The following COL6A6 variants were observed in gnomAD, a reference collection of about 807,000 sequenced individuals.
COL6A6 encodes collagen type VI alpha 6 chain.
In COL6A6, 183 loss-of-function variants were observed where a neutral mutation model predicts 208.6. That is an observed-to-expected ratio of 0.88 (90% CI 0.78 to 0.99). COL6A6 has a LOEUF of 0.99. Ranked by LOEUF, COL6A6 falls within the 50% of genes least tolerant of loss-of-function variation. COL6A6 has a pLI of 0.00. For synonymous variants in COL6A6, 973 were observed against 1,011.8 expected, an observed-to-expected ratio of 0.96 and a Z score of 0.73; for missense variants, 2,816 against 2,815.2, an observed-to-expected ratio of 1.00 and a Z score of -0.01.
chr3:130,589,234 G>T, intron 12 of COL6A6, 52 bp downstream of exon 12: 1 of 1,320,234 alleles, frequency 7.6e-7, no homozygotes, highest in South Asian at 1.2e-5. Context: ...ATGTCCTTCA[G>T]ACATGGGTTT....
chr3:130,623,294 C>T (rs914915160), intron 24 of COL6A6, among the ~76,000 whole-genome samples: 3 of 152,062 alleles, frequency 2.0e-5, no homozygotes, highest in Admixed American at 6.5e-5. Flanking sequence ...CCTGTCTCTA[C>T]TAAAAATACA....
chr3:130,654,301 T>C (rs1258720404), intron 33 of COL6A6, among the ~76,000 whole-genome samples: 5 of 152,170 alleles, frequency 3.3e-5, no homozygotes, highest in African/African-American at 1.2e-4. Context: ...TCCATGATTT[T>C]TTTTTCCCCC....
chr3:130,587,591 AG>A (rs2063572586), intron 11 of COL6A6, among the ~76,000 whole-genome samples: 1 of 152,248 alleles, frequency 6.6e-6, no homozygotes, highest in Non-Finnish European at 1.5e-5. Flanking sequence ...CAAGTGGTAA[AG>A]TGTCAGCAAG....
chr3:130,538,517 G>C (rs143564177), intron 1 of COL6A6, among the ~76,000 whole-genome samples: 1 of 152,182 alleles, frequency 6.6e-6, no homozygotes, highest in Non-Finnish European at 1.5e-5. Flanking sequence ...GTGCCAACTC[G>C]TTTACACACA....
chr3:130,526,028 T>C (rs1314713137), intron 1 of COL6A6, among the ~76,000 whole-genome samples: 1 of 152,028 alleles, frequency 6.6e-6, no homozygotes, highest in African/African-American at 2.4e-5. Context: ...CTATTCTAGG[T>C]GCTGGAAAAC....
rs779524794 is a variant in COL6A6, at chr3:130,563,692, G to A, written c.661+28G>A. 1.2e-5 allele frequency: 17 copies of A among 1,451,972 alleles called. No individual in the cohort carries two copies. The African/African-American group carries it at 2.1e-4, about 18-fold the overall frequency. The allele number at this position is 1,451,972 out of a possible 1,614,324, so 89.9% of individuals were successfully genotyped here. ...GGGCTTAGGATATGTGTATAGGAATGATGATAAAACGCTTTTGAAAAATTA... is the reference window on the plus strand; with the variant it reads ...GGGCTTAGGATATGTGTATAGGAATAATGATAAAACGCTTTTGAAAAATTA... On this transcript the variant is annotated intron_variant, in intron 3 of 36. Coordinates refer to ENST00000358511, the MANE Select transcript of COL6A6 (RefSeq NM_001102608.3).
intron 23 of COL6A6, among the ~76,000 whole-genome samples, chr3:130,618,273 T>A (rs2064597076): frequency 6.6e-6 from 1 of 152,200 alleles, no homozygotes; most frequent in Non-Finnish European, 1.5e-5. Context: ...AACTGAGCAA[T>A]TTGGATGTAA....
intron 1 of COL6A6, among the ~76,000 whole-genome samples, chr3:130,532,893 G>A (rs1256047019): frequency 6.6e-6 from 1 of 152,046 alleles, no homozygotes; most frequent in Non-Finnish European, 1.5e-5. Flanking sequence ...CATCTCTCCT[G>A]ACCTCTTCAC....
chr3:130,535,701 A>G (rs2062207053), intron 1 of COL6A6, among the ~76,000 whole-genome samples: 1 of 152,162 alleles, frequency 6.6e-6, no homozygotes, highest in African/African-American at 2.4e-5. Flanking sequence ...GGTTGAAACC[A>G]GTTTTTGCAT....
chr3:130,617,381 G>A (rs962754702), intron 23 of COL6A6, among the ~76,000 whole-genome samples: 4 of 152,190 alleles, frequency 2.6e-5, no homozygotes, highest in African/African-American at 9.7e-5. Flanking sequence ...AGTTAAATGA[G>A]ATGAGCGTAT....
intron 4 of COL6A6, 101 bp from the exon 5 acceptor site, chr3:130,566,601 T>G: frequency 2.1e-6 from 2 of 964,252 alleles, no homozygotes; most frequent in South Asian, 3.7e-5. Flanking sequence ...TTTCCCATTT[T>G]TCTGTCTGAA....
intron 35 of COL6A6, among the ~76,000 whole-genome samples, chr3:130,664,175 T>A (rs903894057): frequency 6.6e-6 from 1 of 152,172 alleles, no homozygotes; most frequent in African/African-American, 2.4e-5. Context: ...ATCAACACAT[T>A]TTCTAAGAGA....
Position 130,517,331 on chromosome 3 carries a change from G to A in COL6A6, c.-98G>A, listed in dbSNP as rs1370565924. On this transcript the variant is annotated 5_prime_UTR_variant, in exon 1 of 37. Transcript: ENST00000358511. Reference sequence around the variant, plus strand: ...GGTGCGCCCTGCCCGCGCAGTGCGCGTCCAGAGGAAATCCGCCCCGGGCTT... The same window carrying A: ...GGTGCGCCCTGCCCGCGCAGTGCGCATCCAGAGGAAATCCGCCCCGGGCTT... Among the ~76,000 whole-genome samples, 1 of 152,242 alleles carries A rather than the reference G, an allele frequency of 6.6e-6. No homozygotes were observed. The highest frequency in any genetic ancestry group is 1.5e-5 in the Non-Finnish European group (1 of 68,040).
At chr3:130,585,814 C>A (rs1376053524) in intron 10 of COL6A6, among the ~76,000 whole-genome samples, 1 of 152,202 alleles carries the variant, frequency 6.6e-6, no homozygotes, top group African/African-American at 2.4e-5. Flanking sequence ...GTATACAAAT[C>A]ACCTGGGGAT....
intron 8 of COL6A6, among the ~76,000 whole-genome samples, chr3:130,576,665 C>CAAAA (rs3993280): frequency 7.3e-5 from 11 of 150,572 alleles, no homozygotes; most frequent in African/African-American, 2.7e-4. Context: ...GTCATGAATG[C>CAAAA]AAAAAAAAAT....
Position 130,574,175 on chromosome 3 carries a change from A to C in COL6A6, c.3197A>C (p.Gln1066Pro). The stretch of plus-strand genomic sequence containing the variant: ...ATAGGTGAAAAAGAGATATCATTTC[A>C]GATTGAAAACATCAAGCAGATCTTT... ...TFIGEKEISF[Q>P]IENIKQIFGN... is the part of the protein sequence containing the mutation. The change falls in exon 8 of 37, where the codon CAG becomes CCG. Residue 1066 changes from glutamine to proline, a missense_variant. By Grantham distance (76) the Gln-to-Pro change is moderately conservative. Transcript: ENST00000358511. 1 of 1,614,046 alleles carries C rather than the reference A, an allele frequency of 6.2e-7. No homozygotes were observed. The highest frequency in any genetic ancestry group is 8.5e-7 in the Non-Finnish European group (1 of 1,179,896).
intron 23 of COL6A6, among the ~76,000 whole-genome samples, chr3:130,611,326 G>A (rs965958396): frequency 1.3e-5 from 2 of 152,212 alleles, no homozygotes; most frequent in Non-Finnish European, 2.9e-5. Flanking sequence ...CAAGGCCTGA[G>A]ATTCTGCACT....
chr3:130,559,912 G>A (rs1411250252), intron 1 of COL6A6, among the ~76,000 whole-genome samples: 1 of 152,154 alleles, frequency 6.6e-6, no homozygotes, highest in Non-Finnish European at 1.5e-5. Context: ...AGTCTTCAAA[G>A]ATAAAGTACA....
intron 19 of COL6A6, among the ~76,000 whole-genome samples, chr3:130,599,255 A>G (rs953459420): frequency 6.6e-6 from 1 of 151,938 alleles, no homozygotes; most frequent in African/African-American, 2.4e-5. Context: ...GAAGACTCAT[A>G]AATTATTGCA....
Sources: allele counts gnomAD v4.1 joint callset (sites outside exome capture counted in the v4.1 genomes callset), GRCh38; gene constraint gnomAD v4.1.1; transcripts MANE v1.5; gene names NCBI Gene and HGNC (gene_info 2026-07-23, HGNC 2026-07-21).